The following SYNE1 variants were observed in gnomAD, a reference collection of about 807,000 sequenced individuals.
SYNE1 encodes the protein nesprin-1.
A neutral mutation model predicts 1,111.0 loss-of-function variants in SYNE1; 616 were observed. The observed-to-expected ratio is 0.55, with a 90% CI of 0.52 to 0.59. SYNE1 has a LOEUF of 0.59. SYNE1 is among the 20% of genes least tolerant of loss of function. The pLI, the probability that SYNE1 is intolerant of heterozygous loss-of-function variation, is 0.00. For synonymous variants in SYNE1, 3,855 were observed against 3,825.8 expected, an observed-to-expected ratio of 1.01 and a Z score of -0.28; for missense variants, 10,006 against 10,417.0, an observed-to-expected ratio of 0.96 and a Z score of 1.72.
chr6:152,456,406 T>C (rs1031951844), intron 22 of SYNE1, among the ~76,000 whole-genome samples: 1 of 151,986 alleles, frequency 6.6e-6, no homozygotes, highest in African/African-American at 2.4e-5. Context: ...AGAACAATCA[T>C]GAAATCAATG....
intron 89 of SYNE1, 36 bp downstream of exon 89, chr6:152,310,360 C>A (rs754225486): frequency 3.1e-6 from 5 of 1,613,050 alleles, no homozygotes; most frequent in South Asian, 1.1e-5. Flanking sequence ...AAATATAGGT[C>A]CCTGTCCCTA....
intron 29 of SYNE1, among the ~76,000 whole-genome samples, chr6:152,445,849 C>T (rs771548931): frequency 2.5e-4 from 38 of 152,134 alleles, no homozygotes; most frequent in Non-Finnish European, 4.3e-4. Context: ...TATCTGTAAA[C>T]AAAATGTGTT....
chr6:152,422,537 C>T (rs1157582322), intron 39 of SYNE1, among the ~76,000 whole-genome samples: 1 of 151,752 alleles, frequency 6.6e-6, no homozygotes, highest in East Asian at 1.9e-4. Flanking sequence ...AAGTATCACT[C>T]TGTTACCCAG....
In SYNE1 at chr6:152,325,825, A is replaced by T; in HGVS notation, c.15438+133T>A. The T allele has an allele frequency of 5.3e-6, 6 of 1,142,722 alleles. No homozygotes were observed. The South Asian group carries it at 8.6e-5, about 16-fold the overall frequency. The allele number at this position is 1,142,722 out of a possible 1,614,324, so 70.8% of individuals were successfully genotyped here. ...AGCATTTAATAAACTTAAAACTTCTATAAAATGTTGTTAAATGCATCCTTA... is the reference window on the plus strand; with the variant it reads ...AGCATTTAATAAACTTAAAACTTCTTTAAAATGTTGTTAAATGCATCCTTA... On this transcript the variant is annotated intron_variant, in intron 80 of 145. Transcript: ENST00000367255.
chr6:152,484,550 T>C (rs766038226), intron 13 of SYNE1, among the ~76,000 whole-genome samples: 4 of 152,026 alleles, frequency 2.6e-5, no homozygotes, highest in African/African-American at 4.8e-5. Context: ...TTGTGTAAAG[T>C]GTGAAGTGAT....
intron 5 of SYNE1, among the ~76,000 whole-genome samples, 162 bp from the exon 6 acceptor site, chr6:152,520,704 TCCCC>T (rs977783063): frequency 2.6e-5 from 4 of 152,176 alleles, no homozygotes; most frequent in African/African-American, 9.7e-5. Flanking sequence ...AAAGGGGTGT[TCCCC>T]ATGGCACTCT....
intron 9 of SYNE1, among the ~76,000 whole-genome samples, chr6:152,503,132 C>G (rs995613304): frequency 6.6e-6 from 1 of 151,934 alleles, no homozygotes; most frequent in African/African-American, 2.4e-5. Context: ...TTAGAACTGG[C>G]ATAAATAGGA....
chr6:152,391,239 T>G, intron 52 of SYNE1, 38 bp downstream of exon 52: 1 of 1,612,752 alleles, frequency 6.2e-7, no homozygotes, highest in South Asian at 1.1e-5. Context: ...CAAATTAGCA[T>G]TCAGCAGTTG....
At chr6:152,410,287 A>G (rs2098002126) in intron 42 of SYNE1, 1 of 152,760 alleles carries the variant, frequency 6.5e-6, no homozygotes, top group Non-Finnish European at 1.5e-5. Flanking sequence ...CTGCAATCCT[A>G]TCAGCCTGAA....
chr6:152,437,184 C>T (rs1430212816), intron 32 of SYNE1, among the ~76,000 whole-genome samples: 1 of 152,058 alleles, frequency 6.6e-6, no homozygotes, highest in African/African-American at 2.4e-5. Flanking sequence ...AGTAATCAAG[C>T]CATTTTGTTA....
chr6:152,620,878 T>G (rs371104226), intron 3 of SYNE1, among the ~76,000 whole-genome samples: 18 of 152,302 alleles, frequency 1.2e-4, no homozygotes, highest in African/African-American at 4.1e-4. Flanking sequence ...TTGACCCAAT[T>G]CCTGTCCTCA....
At chr6:152,429,694 A>G (rs1312168067) in intron 36 of SYNE1, among the ~76,000 whole-genome samples, 1 of 152,190 alleles carries the variant, frequency 6.6e-6, no homozygotes, top group East Asian at 1.9e-4. Context: ...AGAAAAACCA[A>G]TCATTGGAAA....
chr6:152,229,273 C>T (rs888630093), intron 115 of SYNE1, among the ~76,000 whole-genome samples: 1 of 152,150 alleles, frequency 6.6e-6, no homozygotes, highest in Non-Finnish European at 1.5e-5. Flanking sequence ...TAATCTGTAA[C>T]AATATATGAA....
In SYNE1 at chr6:152,528,293, G is replaced by GCTGA. The variant is rs544099803; in HGVS notation, c.130-2122_130-2119dup. ...CTTCATATCTATTGCTGGCTTGCTG[G>GCTGA]CTGACTGACTGACTGAATGAATGAA... is the stretch of plus-strand genomic sequence containing the variant. On this transcript the variant is annotated intron_variant, in intron 4 of 145. Coordinates refer to ENST00000367255, the MANE Select transcript of SYNE1 (RefSeq NM_182961.4). Among the ~76,000 whole-genome samples the GCTGA allele has an allele frequency of 3.2e-3, 491 of 151,992 alleles. 5 individuals carry two copies. The highest frequency in any genetic ancestry group is 0.01 in the African/African-American group (427 of 41,406).
At chr6:152,570,931 C>T (rs1019972706) in intron 3 of SYNE1, among the ~76,000 whole-genome samples, 1 of 152,130 alleles carries the variant, frequency 6.6e-6, no homozygotes, top group Admixed American at 6.5e-5. Context: ...CGGAGGAATT[C>T]ACGAGACTGC....
rs113814108 is a variant in SYNE1, at chr6:152,344,455, G to A, written c.12079-228C>T. Among the ~76,000 whole-genome samples, 847 of 152,182 alleles carry A rather than the reference G, an allele frequency of 5.6e-3. 14 individuals carry two copies. Among genetic ancestry groups the A allele is most frequent in the African/African-American group, 0.019 (781 of 41,518 alleles). ...GACCACACATCACAGTGTAATATCC[G>A]GATTAGGGGAAGAGAACATGAGCAG... is the stretch of plus-strand genomic sequence containing the variant. On this transcript the variant is annotated intron_variant, in intron 73 of 145. Transcript: ENST00000367255.
intron 82 of SYNE1, 73 bp from the exon 83 acceptor site, chr6:152,321,959 C>T (rs1434978066): frequency 2.6e-6 from 4 of 1,533,958 alleles, no homozygotes; most frequent in Middle Eastern, 1.7e-4. Context: ...ACATTTTATC[C>T]AATACATATA....
rs771370942 is a variant in SYNE1, at chr6:152,325,315, G to A, written c.15439-13C>T. On this transcript the variant is annotated splice_polypyrimidine_tract_variant and intron_variant, in intron 80 of 145. Coordinates refer to ENST00000367255, the MANE Select transcript of SYNE1 (RefSeq NM_182961.4). ...CTGACACTAAAGCCTAGGGTTGGGG[G>A]TGGAGGACGGAAGAGAGGAGACAAG... The A allele has an allele frequency of 1.9e-6, 3 of 1,613,336 alleles. No homozygotes were observed. Among genetic ancestry groups the A allele is most frequent in the Non-Finnish European group, 2.5e-6 (3 of 1,179,254 alleles).
intron 122 of SYNE1, among the ~76,000 whole-genome samples, chr6:152,214,513 C>G (rs1335170474): frequency 3.3e-5 from 5 of 152,142 alleles, no homozygotes; most frequent in African/African-American, 1.2e-4. Context: ...GATGAAACTT[C>G]GTGGTGAATG....
Sources: gnomAD v4.1 joint callset for allele counts (sites outside exome capture counted in the v4.1 genomes callset) on GRCh38, gnomAD v4.1.1 for gene constraint, MANE v1.5 for transcripts, NCBI Gene and HGNC (gene_info 2026-07-23, HGNC 2026-07-21) for gene names.